The following POLR2F variants were observed in gnomAD, a reference collection of about 807,000 sequenced individuals.
POLR2F encodes DNA-directed RNA polymerases I, II, and III subunit RPABC2.
In POLR2F, 12 loss-of-function variants were observed where a neutral mutation model predicts 22.7. The ratio of observed to expected loss-of-function variants is 0.53; its 90% CI spans 0.34 to 0.86. The LOEUF (loss-of-function observed/expected upper bound fraction) is 0.86. Among genes scored for constraint, POLR2F ranks in the 40% least tolerant of loss-of-function variants. The probability of loss-of-function intolerance (pLI) is 0.02; values close to 1 mark genes in which losing one functional copy is unlikely to be tolerated. For synonymous variants in POLR2F, 57 were observed against 66.0 expected, an observed-to-expected ratio of 0.86 and a Z score of 0.66; for missense variants, 126 against 171.5, an observed-to-expected ratio of 0.73 and a Z score of 1.48.
At chr22:37,961,032 G>T (rs976589190) in intron 3 of POLR2F, among the ~76,000 whole-genome samples, 10 of 150,856 alleles carry the variant, frequency 6.6e-5, no homozygotes, top group African/African-American at 2.4e-4. Flanking sequence ...TGTATTTTTA[G>T]TGGAGATGGG....
chr22:38,038,863 G>A (rs891011812), intron 5 of POLR2F, among the ~76,000 whole-genome samples: 5 of 150,470 alleles, frequency 3.3e-5, no homozygotes, highest in Non-Finnish European at 7.4e-5. Context: ...CCCAGCGCCT[G>A]CACTGGCGGC....
chr22:38,018,256 G>T (rs61381691), intron 1 of POLR2F, among the ~76,000 whole-genome samples: 1 of 152,220 alleles, frequency 6.6e-6, no homozygotes, highest in Non-Finnish European at 1.5e-5. Context: ...TTAAGGGTTC[G>T]GTGTAGGGTT....
chr22:37,985,026 T>A (rs960959502), upstream of POLR2F: 3 of 152,530 alleles, frequency 2.0e-5, no homozygotes, highest in Non-Finnish European at 4.4e-5. Flanking sequence ...GCCCAGCTCC[T>A]CACCCTGCCT....
At chr22:38,018,647 G>A (rs2084934547) in intron 1 of POLR2F, among the ~76,000 whole-genome samples, 1 of 152,202 alleles carries the variant, frequency 6.6e-6, no homozygotes, top group African/African-American at 2.4e-5. Flanking sequence ...AGGCTGGGCT[G>A]ACTCCTGAAT....
downstream of POLR2F, chr22:37,972,548 G>GC: frequency 3.9e-6 from 1 of 259,626 alleles, no homozygotes; most frequent in Non-Finnish European, 7.6e-6. Context: ...CAGGATTCTA[G>GC]TGTCTTCAGC....
chr22:37,985,639 C>G (rs1462056489), upstream of POLR2F, among the ~76,000 whole-genome samples: 1 of 152,170 alleles, frequency 6.6e-6, no homozygotes, highest in African/African-American at 2.4e-5. Flanking sequence ...TCCTCAACAG[C>G]AGGGCAAAGC....
chr22:37,974,161 C>T (rs762449567), downstream of POLR2F: 37 of 1,346,298 alleles, frequency 2.7e-5, no homozygotes, highest in Non-Finnish European at 3.6e-5. The surrounding 1 kb of genome is among the most constrained non-coding windows in gnomAD (Gnocchi z 5.4). Context: ...GCTCTGTCTT[C>T]GGGGTGGTTG....
rs377182862 is a variant in POLR2F, at chr22:37,953,854, G to A, written c.20+47G>A. The A allele has an allele frequency of 3.1e-6, 5 of 1,595,300 alleles. No individual in the cohort carries two copies. In the African/African-American group the frequency reaches 5.4e-5, roughly 17 times the overall value. On this transcript the variant is annotated intron_variant, in intron 1 of 4. Transcript: ENST00000442738. Reference sequence around the variant, plus strand: ...CCTTTGCGGCAACCTTGGAAGGGGCGGATGAGGCAAGGCTTGGGTCGGCTG... The same window carrying A: ...CCTTTGCGGCAACCTTGGAAGGGGCAGATGAGGCAAGGCTTGGGTCGGCTG...
chr22:37,979,773 G>T (rs1020727150), intron 4 of POLR2F, among the ~76,000 whole-genome samples: 1 of 152,080 alleles, frequency 6.6e-6, no homozygotes, highest in Non-Finnish European at 1.5e-5. Flanking sequence ...GGCAGGATGG[G>T]GTACCTTACA....
At position 37,969,086 on chromosome 22, in the gene POLR2F, C is replaced by G. The variant is rs770677934; in HGVS notation, c.*1371C>G. On this transcript the variant is annotated 3_prime_UTR_variant, in exon 5 of 5. Coordinates refer to ENST00000442738, the MANE Select transcript of POLR2F (RefSeq NM_021974.5). ...CTCTAAATGGTCTCTTTGTTCCCTG[C>G]TGGGCTGCTCAGTATCAGATGTGAT... The G allele has an allele frequency of 2.6e-5, 26 of 985,338 alleles. No individual in the cohort carries two copies. The highest frequency in any genetic ancestry group is 3.1e-5 in the Non-Finnish European group (26 of 829,992). 61.0% of individuals were successfully genotyped at this position (985,338 alleles called of 1,614,324 possible). A position where few individuals can be genotyped will look rare whatever the true frequency, so the allele number is the denominator to read the frequency against.
intron 5 of POLR2F, among the ~76,000 whole-genome samples, chr22:38,039,795 T>G (rs1267097866): frequency 6.6e-6 from 1 of 152,026 alleles, no homozygotes; most frequent in Non-Finnish European, 1.5e-5. Context: ...CGAGGGCCAT[T>G]GAGTTCAGCG....
At chr22:38,002,234 TTAAGAACTAAAGA>T (rs1241631289) in intron 1 of POLR2F, among the ~76,000 whole-genome samples, 1 of 151,842 alleles carries the variant, frequency 6.6e-6, no homozygotes, top group East Asian at 1.9e-4. Flanking sequence ...ACAAAAGTGC[TTAAGAACTAAAGA>T]AGAAAACTCC....
intron 1 of POLR2F, among the ~76,000 whole-genome samples, chr22:37,954,299 G>C (rs1931263670): frequency 6.6e-6 from 1 of 151,742 alleles, no homozygotes; most frequent in Non-Finnish European, 1.5e-5. Flanking sequence ...ACGGTCCTTT[G>C]CAGTAATTTT....
At chr22:38,019,660 G>T (rs181297122) in intron 1 of POLR2F, among the ~76,000 whole-genome samples, 149 of 152,358 alleles carry the variant, frequency 9.8e-4, no homozygotes, top group African/African-American at 3.5e-3. Context: ...GAAGAAGGTG[G>T]CATTCCCTCC....
intron 4 of POLR2F, among the ~76,000 whole-genome samples, chr22:37,977,573 G>C (rs1296347635): frequency 6.6e-6 from 1 of 152,002 alleles, no homozygotes; most frequent in Non-Finnish European, 1.5e-5. Flanking sequence ...GCCCTCCTCG[G>C]CCTCCCAAAG....
intron 1 of POLR2F, among the ~76,000 whole-genome samples, chr22:37,956,567 C>T (rs1453916279): frequency 6.6e-6 from 1 of 152,066 alleles, no homozygotes; most frequent in Non-Finnish European, 1.5e-5. Flanking sequence ...CAGACATGTG[C>T]CACCATGCCC....
chr22:37,986,400 G>A lies in POLR2F; in HGVS notation c.120+88G>A. The A allele has an allele frequency of 2.0e-6, 3 of 1,531,378 alleles. No individual in the cohort carries two copies. Among genetic ancestry groups the A allele is most frequent in the Non-Finnish European group, 2.6e-6 (3 of 1,144,954 alleles). 94.9% of individuals were successfully genotyped at this position (1,531,378 alleles called of 1,614,324 possible). ...TCTCTGCTGTGTCTGTGACTGGCCT[G>A]AGACCCGCCTGGGGCAGGAGGGGTG... is the stretch of plus-strand genomic sequence containing the variant. On this transcript the variant is annotated intron_variant, in intron 1 of 2. Coordinates refer to the POLR2F transcript ENST00000333418. The surrounding 1 kb of genome is among the most constrained non-coding windows in gnomAD (Gnocchi z 4.7).
chr22:37,957,537 A>G (rs1461708043), intron 2 of POLR2F, among the ~76,000 whole-genome samples: 1 of 152,148 alleles, frequency 6.6e-6, no homozygotes, highest in East Asian at 1.9e-4. Context: ...GTCTTGTGTG[A>G]CTGATGAGGG....
downstream of POLR2F, among the ~76,000 whole-genome samples, chr22:37,970,234 C>T (rs1478867308): frequency 2.0e-5 from 3 of 148,946 alleles, no homozygotes; most frequent in Non-Finnish European, 1.5e-5. Flanking sequence ...GCGGAGCTTG[C>T]AGTGAGCCGA....
Sources: gnomAD v4.1 joint callset for allele counts (sites outside exome capture counted in the v4.1 genomes callset) on GRCh38, gnomAD v4.1.1 for gene constraint, Gnocchi (gnomAD v3.1) non-coding constraint, MANE v1.5 for transcripts, NCBI Gene and HGNC (gene_info 2026-07-23, HGNC 2026-07-21) for gene names.